The following SND1 variants were observed in gnomAD, a reference collection of about 807,000 sequenced individuals.
SND1 encodes the protein staphylococcal nuclease domain-containing protein 1.
SND1 carries 38 observed loss-of-function variants against 121.7 expected under a neutral mutation model. That is an observed-to-expected ratio of 0.31 (90% confidence interval 0.24 to 0.41). The LOEUF (loss-of-function observed/expected upper bound fraction) is 0.41, where lower values mean the gene tolerates loss of function less well. SND1 is among the 10% of genes least tolerant of loss of function. The pLI is 1.00. For missense variants in SND1, 868 were observed against 1,184.6 expected (o/e 0.73, Z 3.92); for synonymous variants, 401 against 447.4 (o/e 0.90, Z 1.31).
chr7:128,030,650 C>A (rs1189995182), intron 16 of SND1: 21 of 1,535,490 alleles, frequency 1.4e-5, no homozygotes, highest in Non-Finnish European at 1.8e-5. Flanking sequence ...TGGTGTGGCA[C>A]GTTCATAATT....
At chr7:128,081,337 A>C in intron 17 of SND1, 23 bp from the exon 18 acceptor site, 1 of 1,613,394 alleles carries the variant, frequency 6.2e-7, no homozygotes, top group Non-Finnish European at 8.5e-7. Context: ...CCCTCTTCTC[A>C]CCTCTGCCGA....
intron 16 of SND1, among the ~76,000 whole-genome samples, chr7:128,073,914 C>A (rs1793459477): frequency 6.6e-6 from 1 of 152,172 alleles, no homozygotes; most frequent in Admixed American, 6.5e-5. Context: ...ACAGCCCACA[C>A]CCTTCTGGCC....
intron 11 of SND1, among the ~76,000 whole-genome samples, chr7:127,814,834 T>C (rs1798400999): frequency 1.3e-5 from 2 of 152,162 alleles, no homozygotes; most frequent in Non-Finnish European, 2.9e-5. Context: ...GATGCACAAG[T>C]GTCTGTTGGT....
At chr7:127,922,926 T>C (rs1035899303) in intron 14 of SND1, among the ~76,000 whole-genome samples, 2 of 152,212 alleles carry the variant, frequency 1.3e-5, no homozygotes, top group Non-Finnish European at 2.9e-5. Context: ...GGTGCAGGCC[T>C]GAGTGAGGTG....
chr7:128,051,501 G>A (rs560271367), intron 16 of SND1, among the ~76,000 whole-genome samples: 1 of 152,312 alleles, frequency 6.6e-6, no homozygotes, highest in East Asian at 1.9e-4. Flanking sequence ...AGCTAACAGT[G>A]TGAAGTGACT....
At chr7:127,669,342 AAT>A (rs1469032685) in intron 1 of SND1, among the ~76,000 whole-genome samples, 5 of 152,142 alleles carry the variant, frequency 3.3e-5, no homozygotes, top group African/African-American at 1.2e-4. Flanking sequence ...CCACTTCAGT[AAT>A]GTTTTACCTA....
intron 14 of SND1, among the ~76,000 whole-genome samples, chr7:127,911,557 T>C (rs748624966): frequency 2.6e-5 from 4 of 152,122 alleles, no homozygotes; most frequent in Non-Finnish European, 5.9e-5. Flanking sequence ...AGTCTCCCTC[T>C]GTTGCCCAGG....
intron 13 of SND1, among the ~76,000 whole-genome samples, chr7:127,891,421 A>C (rs1227050020): frequency 1.3e-5 from 2 of 152,068 alleles, no homozygotes; most frequent in African/African-American, 4.8e-5. Context: ...TCGTTCTCCT[A>C]TGAACATTCC....
chr7:127,705,434 C>G (rs1191866657), intron 8 of SND1, among the ~76,000 whole-genome samples: 1 of 152,214 alleles, frequency 6.6e-6, no homozygotes, highest in Non-Finnish European at 1.5e-5. Flanking sequence ...GTTATAAACA[C>G]TAATATAACT....
chr7:128,026,462 C>G (rs1391232739), intron 16 of SND1, among the ~76,000 whole-genome samples: 2 of 152,238 alleles, frequency 1.3e-5, no homozygotes, highest in African/African-American at 4.8e-5. Context: ...CACACCCACT[C>G]AGTCCCAATT....
rs953521322 is a variant in SND1 at position 128,061,524 on chromosome 7, G to A, written c.1780-12978G>A. Reference sequence around the variant, plus strand: ...AATGAGGAAGGCCAGAGGCAGCACTGCTCATTGTGACCTATACGTTTCTAG... The same window carrying A: ...AATGAGGAAGGCCAGAGGCAGCACTACTCATTGTGACCTATACGTTTCTAG... On this transcript the variant is annotated intron_variant, in intron 16 of 23. Coordinates refer to ENST00000354725, the MANE Select transcript of SND1 (RefSeq NM_014390.4). 9.2e-5 allele frequency among the ~76,000 whole-genome samples: 14 copies of A among 152,218 alleles called. No individual in the cohort carries two copies. The East Asian group carries it at 2.5e-3, about 27-fold the overall frequency.
At chr7:127,995,590 A>G (rs2116923485) in intron 16 of SND1, among the ~76,000 whole-genome samples, 1 of 152,372 alleles carries the variant, frequency 6.6e-6, no homozygotes. Flanking sequence ...ATTCCTGTCT[A>G]AAACACTGAT....
At chr7:128,037,051 T>C (rs1792763397) in intron 16 of SND1, among the ~76,000 whole-genome samples, 1 of 152,244 alleles carries the variant, frequency 6.6e-6, no homozygotes, top group Admixed American at 6.5e-5. Context: ...AGAAGTGTTC[T>C]CAGGATCACA....
Position 128,091,840 on chromosome 7 carries a change from A to T in SND1, c.2626A>T (p.Thr876Ser). ...CTTTCTTCTCTCGTCCCTCCAGATCACAGAATACCTGAATGCCCAAGAGTC... is the reference window on the plus strand; with the variant it reads ...CTTTCTTCTCTCGTCCCTCCAGATCTCAGAATACCTGAATGCCCAAGAGTC... ...RKEKQFQKVI[T>S]EYLNAQESAK... The change falls in exon 23 of 24, where the codon ACA (threonine) becomes TCA (serine). Residue 876 changes from threonine (T) to serine (S), a missense_variant. Thr to Ser is a moderately conservative substitution (Grantham distance 58, BLOSUM62 1). This residue lies in a region of SND1 where 743 missense variants were observed against 1,071.3 expected (regional missense o/e 0.69). Transcript: ENST00000354725. The T allele has an allele frequency of 3.7e-6, 6 of 1,614,130 alleles. No individual in the cohort carries two copies. The highest frequency in any genetic ancestry group is 5.1e-6 in the Non-Finnish European group (6 of 1,180,020).
At chr7:127,962,328 G>T (rs1801752085) in intron 15 of SND1, among the ~76,000 whole-genome samples, 1 of 152,140 alleles carries the variant, frequency 6.6e-6, no homozygotes, top group South Asian at 2.1e-4. Flanking sequence ...CTTGGTTGAG[G>T]CTGAACAAAA....
At chr7:127,826,010 C>A (rs1225649871) in intron 11 of SND1, among the ~76,000 whole-genome samples, 1 of 151,822 alleles carries the variant, frequency 6.6e-6, no homozygotes, top group Admixed American at 6.6e-5. Context: ...GCCAACATGG[C>A]GAAACCCCCA....
At chr7:127,656,261 T>C (rs1440179652) in intron 1 of SND1, among the ~76,000 whole-genome samples, 1 of 152,120 alleles carries the variant, frequency 6.6e-6, no homozygotes, top group African/African-American at 2.4e-5. Flanking sequence ...CCACCTATAA[T>C]TCAGTTCATT....
At chr7:127,962,229 A>G (rs1801749473) in intron 15 of SND1, among the ~76,000 whole-genome samples, 3 of 152,216 alleles carry the variant, frequency 2.0e-5, no homozygotes, top group Admixed American at 6.5e-5. Context: ...AATATAGTCA[A>G]ATAAATTAAG....
At chr7:127,965,973 G>A (rs1400284767) in intron 15 of SND1, among the ~76,000 whole-genome samples, 2 of 86,870 alleles carry the variant, frequency 2.3e-5, no homozygotes, top group East Asian at 6.0e-4. Context: ...CTTCTTCCTG[G>A]TTTAGTCTTG....
Sources: allele counts gnomAD v4.1 joint callset (sites outside exome capture counted in the v4.1 genomes callset), GRCh38; gene constraint gnomAD v4.1.1; regional missense constraint gnomAD v4.1.1; transcripts MANE v1.5; gene names NCBI Gene and HGNC (gene_info 2026-07-23, HGNC 2026-07-21).